STOX2: variants seen among roughly 807,000 people sequenced by gnomAD.
STOX2 encodes the protein storkhead box 2.
A neutral mutation model predicts 60.9 loss-of-function variants in STOX2; 28 were observed. The ratio of observed to expected loss-of-function variants is 0.46; its 90% CI spans 0.34 to 0.63. The LOEUF is 0.63. STOX2 is among the 30% of genes least tolerant of loss of function. The pLI is 0.01. For missense variants in STOX2, 1,024 were observed against 1,187.7 expected (o/e 0.86, Z 2.03); for synonymous variants, 472 against 463.9 (o/e 1.02, Z -0.22).
At chr4:183,895,111 A>G (rs1448805783) in intron 1 of STOX2, among the ~76,000 whole-genome samples, 1 of 152,188 alleles carries the variant, frequency 6.6e-6, no homozygotes, top group Non-Finnish European at 1.5e-5. Context: ...GATGTCAAGA[A>G]TGGAATGCTG....
In STOX2 at chr4:184,009,965, C is replaced by T; in HGVS notation, c.1127C>T (p.Thr376Ile). ...GGAAAGTCTCGGTCTCACAGCAAGA[C>T]ACGGGTGTCTAAAGGAGACCCTTCC... Reference protein sequence around the residue: ...SHGKSRSHSKTRVSKGDPSDG... With the variant: ...SHGKSRSHSKIRVSKGDPSDG... Residue 376 changes from threonine to isoleucine, a missense_variant, in exon 3 of 4, where the codon ACA becomes ATA. Transcript: ENST00000308497. The surrounding 1 kb of genome is among the most constrained non-coding windows in gnomAD (Gnocchi z 4.0). The T allele has an allele frequency of 1.9e-6, 3 of 1,613,888 alleles. No individual in the cohort carries two copies. Among genetic ancestry groups the T allele is most frequent in the African/African-American group, 2.7e-5 (2 of 75,050 alleles).
intron 1 of STOX2, among the ~76,000 whole-genome samples, chr4:183,917,559 A>G (rs1268739299): frequency 6.6e-6 from 1 of 152,240 alleles, no homozygotes; most frequent in Non-Finnish European, 1.5e-5. Flanking sequence ...AAATAACTGA[A>G]AGAAGTATTT....
chr4:183,843,947 A>G (rs1192477635), intron 1 of STOX2, among the ~76,000 whole-genome samples: 2 of 152,220 alleles, frequency 1.3e-5, no homozygotes, highest in Non-Finnish European at 2.9e-5. Context: ...TATGTAGTGT[A>G]GGTGTAAAAT....
chr4:183,884,842 A>G (rs7657121), intron 1 of STOX2, among the ~76,000 whole-genome samples: 148,120 of 152,250 alleles, frequency 0.97, 72,183 homozygotes, highest in East Asian at 1. Context: ...GGAGAGTGGG[A>G]TCCCGGGAGT....
At chr4:183,942,114 A>G (rs1457285763) in intron 1 of STOX2, among the ~76,000 whole-genome samples, 2 of 152,316 alleles carry the variant, frequency 1.3e-5, no homozygotes, top group South Asian at 2.1e-4. Context: ...TTTTGGCTCA[A>G]TCAATGTAAT....
intron 1 of STOX2, among the ~76,000 whole-genome samples, chr4:183,818,994 G>T (rs540394993): frequency 1.3e-5 from 2 of 151,744 alleles, no homozygotes; most frequent in Non-Finnish European, 2.9e-5. Flanking sequence ...ATGGGTGGCC[G>T]GGCAGAGACC....
intron 1 of STOX2, among the ~76,000 whole-genome samples, chr4:183,876,307 G>C (rs184345244): frequency 2.0e-5 from 3 of 152,334 alleles, no homozygotes; most frequent in Non-Finnish European, 4.4e-5. Flanking sequence ...TGCAAAGGCT[G>C]TGCGTAATGG....
Position 183,955,010 on chromosome 4 carries a change from A to G in STOX2, c.167-46315A>G, listed in dbSNP as rs184395108. Among the ~76,000 whole-genome samples the G allele has an allele frequency of 3.4e-3, 514 of 152,260 alleles. 2 individuals carry two copies. The highest frequency in any genetic ancestry group is 0.012 in the African/African-American group (492 of 41,552). ...ACTACCACGCCCGGCCCCCCAACCA[A>G]TCCTGGATTCTCATTCTCAGAGGTA... On this transcript the variant is annotated intron_variant, in intron 1 of 3. Coordinates refer to ENST00000308497, the MANE Select transcript of STOX2 (RefSeq NM_020225.3).
chr4:183,839,049 GCACACA>G (rs369296969), intron 1 of STOX2, among the ~76,000 whole-genome samples: 2 of 148,576 alleles, frequency 1.3e-5, no homozygotes, highest in South Asian at 2.1e-4. Context: ...AGGTACACAT[GCACACA>G]CACACACACA....
chr4:183,850,554 C>A (rs978621419), intron 1 of STOX2, among the ~76,000 whole-genome samples: 3 of 151,828 alleles, frequency 2.0e-5, no homozygotes, highest in African/African-American at 4.8e-5. Flanking sequence ...CATGGTGAAA[C>A]CCCGTCTCTA....
intron 1 of STOX2, among the ~76,000 whole-genome samples, chr4:183,937,253 C>T (rs1434112078): frequency 6.6e-6 from 1 of 152,222 alleles, no homozygotes; most frequent in African/African-American, 2.4e-5. Context: ...GATACTTCAG[C>T]TGAGATAACC....
At position 183,865,975 on chromosome 4, in the gene STOX2, T is replaced by C. The variant is rs933466863; in HGVS notation, c.364+67920T>C. Among the ~76,000 whole-genome samples the C allele has an allele frequency of 6.6e-6, 1 of 152,074 alleles. No homozygotes were observed. The highest frequency in any genetic ancestry group is 1.5e-5 in the Non-Finnish European group (1 of 68,024). On this transcript the variant is annotated intron_variant, in intron 1 of 2. Coordinates refer to the STOX2 transcript ENST00000513034. The surrounding 1 kb of genome is among the most constrained non-coding windows in gnomAD (Gnocchi z 4.1). ...GGAAGACGGAGTTGACACAGGTGAATAAAATGAGGGTTCCACTGAGATTGT... is the reference window on the plus strand; with the variant it reads ...GGAAGACGGAGTTGACACAGGTGAACAAAATGAGGGTTCCACTGAGATTGT...
chr4:183,989,666 G>T (rs1361778891), intron 1 of STOX2, among the ~76,000 whole-genome samples: 3 of 152,158 alleles, frequency 2.0e-5, no homozygotes, highest in Non-Finnish European at 2.9e-5. Flanking sequence ...AACTGCTAAG[G>T]AAGTAAGCAT....
intron 1 of STOX2, among the ~76,000 whole-genome samples, chr4:183,842,898 C>G (rs1437293069): frequency 1.3e-5 from 2 of 151,682 alleles, no homozygotes; most frequent in African/African-American, 4.8e-5. Context: ...GCCTGTGATC[C>G]CAGCACTTTG....
At position 183,864,513 on chromosome 4, in the gene STOX2, C is replaced by T. The variant is rs888009903; in HGVS notation, c.364+66458C>T. Among the ~76,000 whole-genome samples, 28 of 152,278 alleles carry T rather than the reference C, an allele frequency of 1.8e-4. No homozygotes were observed. The South Asian group carries it at 2.9e-3, about 16-fold the overall frequency. On this transcript the variant is annotated intron_variant, in intron 1 of 2. Coordinates refer to the STOX2 transcript ENST00000513034. ...GGTTCAAGTGATTCTTCTGCCTCAG[C>T]CTCCCGAGTAGCTGGGATTACAGGC...
intron 1 of STOX2, among the ~76,000 whole-genome samples, chr4:183,977,546 C>CATGTGTGTGTGTGTGTGTGT (rs151081835): frequency 6.8e-6 from 1 of 147,796 alleles, no homozygotes; most frequent in Non-Finnish European, 1.5e-5. Context: ...CATTCCATTT[C>CATGTGTGTGTGTGTGTGTGT]GTGTGTGTGT....
chr4:183,951,226 A>AG (rs1197066128), intron 1 of STOX2, among the ~76,000 whole-genome samples: 3 of 147,546 alleles, frequency 2.0e-5, no homozygotes, highest in African/African-American at 7.5e-5. Flanking sequence ...AAAAAAAAGA[A>AG]AAAAAAAAAA....
chr4:183,826,783 C>T (rs557182781), intron 1 of STOX2, among the ~76,000 whole-genome samples: 169 of 152,316 alleles, frequency 1.1e-3, no homozygotes, highest in African/African-American at 3.7e-3. Context: ...CTTTTCTCTG[C>T]GTCTGGAATC....
At chr4:183,843,861 A>G (rs1409767847) in intron 1 of STOX2, among the ~76,000 whole-genome samples, 4 of 152,200 alleles carry the variant, frequency 2.6e-5, no homozygotes, top group Non-Finnish European at 4.4e-5. Flanking sequence ...ATCTTATAAT[A>G]ATTGTAATTA....
Sources: allele counts gnomAD v4.1 joint callset (sites outside exome capture counted in the v4.1 genomes callset), GRCh38; gene constraint gnomAD v4.1.1; non-coding constraint Gnocchi (gnomAD v3.1); transcripts MANE v1.5; gene names NCBI Gene and HGNC (gene_info 2026-07-23, HGNC 2026-07-21).